Variants in MECR observed in about 807,000 individuals in gnomAD.
The protein encoded by MECR is enoyl-[acyl-carrier-protein] reductase, mitochondrial.
Under a neutral mutation model 49.1 loss-of-function variants are expected in MECR, and 37 were observed. That is an observed-to-expected ratio of 0.75 (90% confidence interval 0.58 to 0.99). MECR has a LOEUF of 0.99. Among genes scored for constraint, MECR ranks in the 50% least tolerant of loss-of-function variants. The probability of loss-of-function intolerance (pLI) is 0.00; values close to 1 mark genes in which losing one functional copy is unlikely to be tolerated. For synonymous variants in MECR, 198 were observed against 191.1 expected, an observed-to-expected ratio of 1.04 and a Z score of -0.30; for missense variants, 470 against 479.6, an observed-to-expected ratio of 0.98 and a Z score of 0.19.
chr1:29,181,421 C>CA, the MECR span, among the ~76,000 whole-genome samples: 1 of 152,186 alleles, frequency 6.6e-6, no homozygotes, highest in Non-Finnish European at 1.5e-5. Context: ...CCGTCCCACT[C>CA]AGGGCCTCAG....
the MECR span, chr1:29,181,996 G>C: frequency 2.0e-5 from 7 of 350,492 alleles, no homozygotes; most frequent in Non-Finnish European, 2.5e-5. Context: ...GCCAGGACTG[G>C]GGGAGGAGCT....
chr1:29,168,012 CTTTTTT>C, the MECR span, among the ~76,000 whole-genome samples: 1 of 133,308 alleles, frequency 7.5e-6, no homozygotes, highest in Admixed American at 7.7e-5. Flanking sequence ...GTTCTAATTC[CTTTTTT>C]TTTTTTTTTT....
downstream of MECR, among the ~76,000 whole-genome samples, chr1:29,190,171 G>A (rs1354847386): frequency 6.6e-6 from 1 of 150,812 alleles, no homozygotes; most frequent in African/African-American, 2.4e-5. Flanking sequence ...TCAGGAGATC[G>A]AGATCATCCT....
intron 1 of MECR, among the ~76,000 whole-genome samples, chr1:29,227,991 G>C (rs1313127507): frequency 3.9e-5 from 6 of 152,046 alleles, no homozygotes; most frequent in African/African-American, 1.5e-4. Flanking sequence ...CACCTGGAGA[G>C]CTTTGAAAAA....
At chr1:29,177,893 ATTT>A in the MECR span, among the ~76,000 whole-genome samples, 621 of 93,606 alleles carry the variant, frequency 6.6e-3, 3 homozygotes, top group African/African-American at 0.025. Flanking sequence ...ATTACACAAG[ATTT>A]TTTTTTTTTT....
At chr1:29,179,653 A>C in the MECR span, among the ~76,000 whole-genome samples, 1 of 152,176 alleles carries the variant, frequency 6.6e-6, no homozygotes, top group Non-Finnish European at 1.5e-5. Flanking sequence ...TACGACATAT[A>C]CTATTCCCAG....
rs748488801 is a variant in MECR at position 29,200,603 on chromosome 1, A to G, written c.757-14T>C. The G allele has an allele frequency of 1.4e-5, 22 of 1,612,790 alleles. No homozygotes were observed. Among genetic ancestry groups the G allele is most frequent in the African/African-American group, 6.7e-5 (5 of 74,894 alleles). On this transcript the variant is annotated splice_polypyrimidine_tract_variant and intron_variant, in intron 6 of 9. Transcript: ENST00000263702. ...CTGGGGCATGTCCTGGAAAACAACAAAAGTGCAGTGAGGGAGCATCCCCGC... is the reference window on the plus strand; with the variant it reads ...CTGGGGCATGTCCTGGAAAACAACAGAAGTGCAGTGAGGGAGCATCCCCGC...
chr1:29,216,886 G>A, intron 1 of MECR: 1 of 1,296,194 alleles, frequency 7.7e-7, no homozygotes, highest in South Asian at 1.6e-5. Context: ...TGTAATCCCA[G>A]CACTTTGGAA....
the MECR span, chr1:29,170,151 C>T: frequency 2.6e-5 from 4 of 152,056 alleles, no homozygotes; most frequent in Non-Finnish European, 5.9e-5. Context: ...CTTTTCAACA[C>T]TAAGGATAAA....
intron 4 of MECR, 151 bp downstream of exon 4, chr1:29,206,611 C>T: frequency 1.1e-6 from 1 of 876,452 alleles, no homozygotes; most frequent in Non-Finnish European, 1.7e-6. Context: ...TAACATCTTT[C>T]TAAGTGAAAG....
chr1:29,215,527 G>A (rs1237278223), intron 3 of MECR, among the ~76,000 whole-genome samples: 4 of 151,632 alleles, frequency 2.6e-5, no homozygotes, highest in Admixed American at 1.3e-4. Context: ...AGCCGAGATC[G>A]CGTCACTGCA....
At chr1:29,169,446 AGAGT>A in the MECR span, 1 of 152,244 alleles carries the variant, frequency 6.6e-6, no homozygotes, top group South Asian at 2.1e-4. Flanking sequence ...CTTATGAGAA[AGAGT>A]AAGTGGCAAG....
Position 29,206,842 on chromosome 1 carries a change from G to C in MECR, c.470C>G (p.Pro157Arg), listed in dbSNP as rs770619410. Residue 157 changes from proline (P) to arginine (R), a missense_variant, in exon 4 of 10, where the codon CCT (proline) becomes CGT (arginine). Pro to Arg is a moderately radical substitution (Grantham distance 103, BLOSUM62 -2). Transcript: ENST00000263702. ...EALIQVPSDI[P>R]LQSAATLGVN... ...ACCCAGGGTGGCAGCGCTCTGAAGA[G>C]GGATGTCACTCGGAACTTGGATCAG... is the stretch of plus-strand genomic sequence containing the variant. 6.2e-7 allele frequency: 1 copy of C among 1,614,056 alleles called. No individual in the cohort carries two copies.
the MECR span, among the ~76,000 whole-genome samples, chr1:29,185,625 G>A: frequency 6.6e-6 from 1 of 152,218 alleles, no homozygotes; most frequent in Admixed American, 6.5e-5. Flanking sequence ...ACGTTGGTCA[G>A]GCTGGTCTTG....
intron 4 of MECR, 46 bp from the exon 5 acceptor site, chr1:29,203,279 C>A (rs183853840): frequency 2.8e-6 from 4 of 1,448,584 alleles, no homozygotes; most frequent in Non-Finnish European, 3.8e-6. Flanking sequence ...TATAGATCTG[C>A]AATAGGTCAA....
At chr1:29,215,832 T>C (rs1679255860) in intron 3 of MECR, among the ~76,000 whole-genome samples, 173 bp downstream of exon 3, 1 of 152,078 alleles carries the variant, frequency 6.6e-6, no homozygotes, top group African/African-American at 2.4e-5. Flanking sequence ...GATCGCGCCA[T>C]TGCACTCCAG....
chr1:29,169,062 A>G, the MECR span: 1 of 152,374 alleles, frequency 6.6e-6, no homozygotes, highest in South Asian at 2.1e-4. Context: ...ACTCTTCTTC[A>G]CATTTCTTTG....
chr1:29,216,032 A>G lies in MECR; in HGVS notation c.379T>C (p.Trp127Arg). 1 of 1,614,166 alleles carries G rather than the reference A, an allele frequency of 6.2e-7. No homozygotes were observed. The highest frequency in any genetic ancestry group is 8.5e-7 in the Non-Finnish European group (1 of 1,180,002). Residue 127 changes from tryptophan (W) to arginine (R), a missense_variant, in exon 3 of 10, where the codon TGG becomes CGG. Transcript: ENST00000263702. Reference protein sequence around the residue: ...SNVTGLKPGDWVIPANAGLGT... With the variant: ...SNVTGLKPGDRVIPANAGLGT... ...AAACCAGCATTTGCTGGAATCACCCAGTCTCCTGGCTTCAGCCCGGTCACA... is the reference window on the plus strand; with the variant it reads ...AAACCAGCATTTGCTGGAATCACCCGGTCTCCTGGCTTCAGCCCGGTCACA...
chr1:29,209,926 C>T (rs934754716), intron 3 of MECR, among the ~76,000 whole-genome samples: 3 of 152,080 alleles, frequency 2.0e-5, no homozygotes, highest in African/African-American at 7.2e-5. Context: ...AGGGGGCAGC[C>T]TGGGTAATCA....
Sources: gnomAD v4.1 joint callset for allele counts (sites outside exome capture counted in the v4.1 genomes callset) on GRCh38, gnomAD v4.1.1 for gene constraint, MANE v1.5 for transcripts, NCBI Gene and HGNC (gene_info 2026-07-23, HGNC 2026-07-21) for gene names.